DAB1: variants seen among roughly 807,000 people sequenced by gnomAD.
The protein encoded by DAB1 is disabled homolog 1.
Under a neutral mutation model 64.6 loss-of-function variants are expected in DAB1, and 15 were observed. The observed-to-expected ratio is 0.23, with a 90% confidence interval of 0.16 to 0.36. The LOEUF (loss-of-function observed/expected upper bound fraction) is 0.36. Among genes scored for constraint, DAB1 ranks in the 10% least tolerant of loss-of-function variants. The pLI is 1.00. For missense variants in DAB1, 596 were observed against 706.7 expected (o/e 0.84, Z 1.78); for synonymous variants, 235 against 251.9 (o/e 0.93, Z 0.64).
At chr1:57,795,007 A>G (rs565424328) in intron 6 of DAB1, among the ~76,000 whole-genome samples, 2 of 152,326 alleles carry the variant, frequency 1.3e-5, no homozygotes, top group African/African-American at 4.8e-5. Flanking sequence ...ATAACCATCC[A>G]TCCACCCAAT....
At position 58,025,649 on chromosome 1, in the gene DAB1, G is replaced by GTATATA. The variant is rs1395128282; in HGVS notation, n.387+124861_387+124862insTATATA. The stretch of plus-strand genomic sequence containing the variant: ...TAAATATAATATTATATATATATGT[G>GTATATA]TGTATATATATATATATATATATAT... On this transcript the variant is annotated intron_variant and non_coding_transcript_variant, in intron 5 of 20. Transcript: ENST00000485760. 2.5e-3 allele frequency among the ~76,000 whole-genome samples: 283 copies of GTATATA among 115,004 alleles called. 4 individuals carry two copies. The highest frequency in any genetic ancestry group is 0.01 in the African/African-American group (273 of 27,280). 75.4% of individuals were successfully genotyped at this position (115,004 alleles called of 152,430 possible).
At chr1:57,332,476 C>T (rs1414883052) in intron 1 of DAB1, among the ~76,000 whole-genome samples, 9 of 152,226 alleles carry the variant, frequency 5.9e-5, no homozygotes, top group Admixed American at 4.6e-4. Flanking sequence ...AGTTTAGTTT[C>T]GGTAGAGTAA....
chr1:58,331,024 C>CTGATGGA (rs1194340378), intron 4 of DAB1, among the ~76,000 whole-genome samples: 3 of 152,200 alleles, frequency 2.0e-5, no homozygotes, highest in Non-Finnish European at 4.4e-5. Flanking sequence ...TGTGATTCCT[C>CTGATGGA]TGATGGATCT....
chr1:57,857,119 T>C (rs895809995), intron 1 of DAB1, among the ~76,000 whole-genome samples: 1 of 152,062 alleles, frequency 6.6e-6, no homozygotes, highest in African/African-American at 2.4e-5. Flanking sequence ...GCCAAAGAAG[T>C]TGGTAAGAGT....
In DAB1 at chr1:57,757,220, T is replaced by TTTTTTTTTTTTTTTTG. The variant is rs200688727; in HGVS notation, n.552-107556_552-107555insCAAAAAAAAAAAAAAA. 9.9e-3 allele frequency among the ~76,000 whole-genome samples: 1,189 copies of TTTTTTTTTTTTTTTTG among 119,828 alleles called. 122 individuals carry two copies. The highest frequency in any genetic ancestry group is 0.017 in the Non-Finnish European group (906 of 54,636). 78.6% of individuals were successfully genotyped at this position (119,828 alleles called of 152,430 possible). ...AGAATTTTTTTTTTTTTTTTTTTTTTAGCAGCAATGATGGAGGCTAACAGC... is the reference window on the plus strand; with the variant it reads ...AGAATTTTTTTTTTTTTTTTTTTTTTTTTTTTTTTTTTTTTGAGCAGCAATGATGGAGGCTAACAGC... On this transcript the variant is annotated intron_variant and non_coding_transcript_variant, in intron 6 of 20. Transcript: ENST00000485760.
intron 2 of DAB1, among the ~76,000 whole-genome samples, chr1:57,217,850 T>C (rs1666543019): frequency 1.3e-5 from 2 of 151,890 alleles, no homozygotes; most frequent in Admixed American, 1.3e-4. Context: ...CCCACCCCAC[T>C]ATCCAGCTAC....
chr1:57,812,158 G>C (rs1651650068), intron 6 of DAB1, among the ~76,000 whole-genome samples: 1 of 151,852 alleles, frequency 6.6e-6, no homozygotes, highest in Admixed American at 6.6e-5. Context: ...TAGCCTCATG[G>C]AGAAGGTGCC....
chr1:58,243,382 C>T (rs1294177580), intron 4 of DAB1, among the ~76,000 whole-genome samples: 4 of 151,948 alleles, frequency 2.6e-5, no homozygotes, highest in South Asian at 2.1e-4. Context: ...GAAATGAATT[C>T]TTTATTTGGT....
At chr1:57,550,473 A>G (rs1312242465) in intron 7 of DAB1, among the ~76,000 whole-genome samples, 1 of 152,026 alleles carries the variant, frequency 6.6e-6, no homozygotes, top group Admixed American at 6.6e-5. Flanking sequence ...TCTACTGAGT[A>G]TTCACACCTT....
At chr1:57,462,176 T>C (rs976478922) in intron 7 of DAB1, among the ~76,000 whole-genome samples, 1 of 152,002 alleles carries the variant, frequency 6.6e-6, no homozygotes, top group African/African-American at 2.4e-5. Context: ...CTCGAACTCC[T>C]GACCTCAGGT....
intron 5 of DAB1, among the ~76,000 whole-genome samples, chr1:58,066,253 T>C (rs1009519229): frequency 1.3e-5 from 2 of 152,176 alleles, no homozygotes; most frequent in South Asian, 2.1e-4. Context: ...GAAAAGGAAG[T>C]GGACACAATT....
chr1:57,309,326 A>T (rs961934385), intron 1 of DAB1, among the ~76,000 whole-genome samples: 2 of 152,224 alleles, frequency 1.3e-5, no homozygotes, highest in African/African-American at 4.8e-5. Flanking sequence ...CGTTCATAAC[A>T]TCTGTCGCAG....
At chr1:57,067,580 C>T (rs895497564) in intron 8 of DAB1, among the ~76,000 whole-genome samples, 16 of 152,122 alleles carry the variant, frequency 1.1e-4, no homozygotes, top group Non-Finnish European at 1.8e-4. Flanking sequence ...CCACCTCCAC[C>T]ATTTCTGAGT....
At chr1:57,330,647 G>A (rs150466929) in intron 1 of DAB1, among the ~76,000 whole-genome samples, 3 of 152,218 alleles carry the variant, frequency 2.0e-5, no homozygotes, top group African/African-American at 4.8e-5. Context: ...AAACAGTGTC[G>A]ACGTGATGTG....
chr1:57,901,992 CA>C (rs913680181), intron 5 of DAB1, among the ~76,000 whole-genome samples: 6 of 151,160 alleles, frequency 4.0e-5, no homozygotes, highest in African/African-American at 7.3e-5. Flanking sequence ...CCCATCTCTA[CA>C]AAAAAAACAA....
At chr1:58,269,437 C>A (rs1661259381) in intron 4 of DAB1, among the ~76,000 whole-genome samples, 4 of 150,042 alleles carry the variant, frequency 2.7e-5, no homozygotes, top group Admixed American at 2.0e-4. Flanking sequence ...GGGTTGGTTC[C>A]AAGTCTTTGC....
At chr1:57,106,261 C>CCG (rs1553142624) in intron 4 of DAB1, among the ~76,000 whole-genome samples, 1 of 151,074 alleles carries the variant, frequency 6.6e-6, no homozygotes. Context: ...CCTAACACCC[C>CCG]CCCCCATCAG....
In DAB1 at chr1:58,093,460, G is replaced by A. The variant is rs371716498; in HGVS notation, n.387+57051C>T. ...CTGTGCCTTCTGTTAGATCTGTGGCGTTAGATTCTCATAGGTGCATGAACC... is the reference window on the plus strand; with the variant it reads ...CTGTGCCTTCTGTTAGATCTGTGGCATTAGATTCTCATAGGTGCATGAACC... On this transcript the variant is annotated intron_variant and non_coding_transcript_variant, in intron 5 of 20. Transcript: ENST00000485760. Among the ~76,000 whole-genome samples the A allele has an allele frequency of 4.2e-4, 64 of 152,150 alleles. No individual in the cohort carries two copies. In the South Asian group the frequency reaches 0.012, roughly 28 times the overall value.
At chr1:57,120,872 G>A (rs1352254611) in intron 4 of DAB1, among the ~76,000 whole-genome samples, 2 of 152,106 alleles carry the variant, frequency 1.3e-5, no homozygotes, top group South Asian at 4.1e-4. Flanking sequence ...CATTTGGGTT[G>A]CTTCCACCTT....
Sources: gnomAD v4.1 joint callset for allele counts (sites outside exome capture counted in the v4.1 genomes callset) on GRCh38, gnomAD v4.1.1 for gene constraint, MANE v1.5 for transcripts, NCBI Gene and HGNC (gene_info 2026-07-23, HGNC 2026-07-21) for gene names.